Variants in BICC1 observed in about 807,000 individuals in gnomAD.
The protein encoded by BICC1 is protein bicaudal C homolog 1.
In BICC1, 43 loss-of-function variants were observed where a neutral mutation model predicts 111.0. That is an observed-to-expected ratio of 0.39 (90% CI 0.30 to 0.50). The LOEUF (loss-of-function observed/expected upper bound fraction) is 0.50. Ranked by LOEUF, BICC1 falls within the 20% of genes least tolerant of loss-of-function variation. The pLI is 0.88. For synonymous variants in BICC1, 467 were observed against 434.4 expected, an observed-to-expected ratio of 1.07 and a Z score of -0.93; for missense variants, 1,091 against 1,203.2, an observed-to-expected ratio of 0.91 and a Z score of 1.38.
chr10:58,703,760 A>G (rs1431745494), intron 3 of BICC1, among the ~76,000 whole-genome samples: 2 of 152,208 alleles, frequency 1.3e-5, no homozygotes, highest in African/African-American at 4.8e-5. Context: ...AACATAGACT[A>G]AATCTTCTTT....
chr10:58,554,606 C>T (rs1843391039), intron 1 of BICC1, among the ~76,000 whole-genome samples: 1 of 151,776 alleles, frequency 6.6e-6, no homozygotes, highest in Non-Finnish European at 1.5e-5. Context: ...AAAGAAGGTG[C>T]AAACATCAGA....
intron 3 of BICC1, among the ~76,000 whole-genome samples, chr10:58,702,915 G>T (rs1840281227): frequency 6.6e-6 from 1 of 152,044 alleles, no homozygotes; most frequent in Non-Finnish European, 1.5e-5. Context: ...TATCCATCAT[G>T]GTCTGGCATT....
chr10:58,620,420 A>G (rs148894582), intron 1 of BICC1, among the ~76,000 whole-genome samples: 1,603 of 152,336 alleles, frequency 0.011, 16 homozygotes, highest in Middle Eastern at 0.031. Flanking sequence ...AGTAGATTAT[A>G]TAGACTTTAT....
intron 2 of BICC1, among the ~76,000 whole-genome samples, chr10:58,628,170 C>T (rs945910435): frequency 6.6e-5 from 10 of 152,026 alleles, no homozygotes; most frequent in African/African-American, 2.2e-4. Context: ...CTACAATGGA[C>T]CTCCATTACT....
At chr10:58,699,691 ATCTT>A (rs1840171131) in intron 2 of BICC1, among the ~76,000 whole-genome samples, 2 of 151,694 alleles carry the variant, frequency 1.3e-5, no homozygotes, top group African/African-American at 4.8e-5. Flanking sequence ...TTATTTTTCT[ATCTT>A]TCTTTCTTTT....
At chr10:58,640,928 CT>C (rs1321222082) in intron 2 of BICC1, among the ~76,000 whole-genome samples, 7 of 152,172 alleles carry the variant, frequency 4.6e-5, no homozygotes, top group Non-Finnish European at 8.8e-5. Flanking sequence ...AGATAAAAAG[CT>C]TTCTTAAGTG....
At chr10:58,520,463 C>A (rs1008763164) in intron 1 of BICC1, among the ~76,000 whole-genome samples, 6 of 152,096 alleles carry the variant, frequency 3.9e-5, no homozygotes, top group Non-Finnish European at 8.8e-5. Flanking sequence ...CCTTTTCCTA[C>A]CTATCAGGCT....
intron 9 of BICC1, 133 bp downstream of exon 9, chr10:58,793,748 A>G (rs1843254665): frequency 2.1e-6 from 2 of 954,870 alleles, no homozygotes; most frequent in South Asian, 3.4e-5. Flanking sequence ...CCAATCCGGA[A>G]TGCTCCAAAA....
rs774594336 is a variant in BICC1, at chr10:58,803,068, A to G, written c.2016-9A>G. On this transcript the variant is annotated splice_polypyrimidine_tract_variant and intron_variant, in intron 14 of 20. Transcript: ENST00000373886. ...GTGGAGTGTTAAATTCCACACTCTT[A>G]TTTCACAGCAGCACTGACAGGTTGC... is the stretch of plus-strand genomic sequence containing the variant. 14 of 1,581,712 alleles carry G rather than the reference A, an allele frequency of 8.9e-6. No individual in the cohort carries two copies. Among genetic ancestry groups the G allele is most frequent in the Non-Finnish European group, 1.1e-5 (13 of 1,164,942 alleles).
chr10:58,531,997 G>A (rs1842693641), intron 1 of BICC1, among the ~76,000 whole-genome samples: 1 of 151,464 alleles, frequency 6.6e-6, no homozygotes, highest in South Asian at 2.1e-4. Context: ...AGGAAATGAG[G>A]GACAGAATAT....
At chr10:58,531,271 G>A (rs921873743) in intron 1 of BICC1, among the ~76,000 whole-genome samples, 3 of 151,802 alleles carry the variant, frequency 2.0e-5, no homozygotes, top group Admixed American at 6.6e-5. Context: ...CAAAATACCC[G>A]TAGTACTGCA....
At chr10:58,595,553 TA>T (rs1844784265) in intron 1 of BICC1, among the ~76,000 whole-genome samples, 1 of 152,142 alleles carries the variant, frequency 6.6e-6, no homozygotes, top group South Asian at 2.1e-4. Context: ...AACTCAGGAT[TA>T]AAAAACTCAC....
chr10:58,787,197 C>CAT, intron 5 of BICC1, 116 bp downstream of exon 5: 1 of 942,576 alleles, frequency 1.1e-6, no homozygotes, highest in Non-Finnish European at 1.5e-6. Context: ...ACATAGATGA[C>CAT]ATACAGTGTA....
intron 1 of BICC1, among the ~76,000 whole-genome samples, chr10:58,519,263 C>T (rs535590145): frequency 1.3e-5 from 2 of 152,274 alleles, no homozygotes; most frequent in East Asian, 3.9e-4. Context: ...ATTATTTTCT[C>T]TTAGAGATTT....
At chr10:58,528,329 T>C (rs1040988897) in intron 1 of BICC1, among the ~76,000 whole-genome samples, 3 of 151,900 alleles carry the variant, frequency 2.0e-5, no homozygotes, top group Non-Finnish European at 4.4e-5. Flanking sequence ...AGAACATTAG[T>C]GTGGAGTTTT....
chr10:58,626,422 G>A (rs771622258), intron 2 of BICC1, among the ~76,000 whole-genome samples: 9 of 152,290 alleles, frequency 5.9e-5, no homozygotes, highest in South Asian at 2.1e-4. Flanking sequence ...TTTCCACCCC[G>A]TAAAGGTTGT....
chr10:58,545,854 G>A (rs1843125074), intron 1 of BICC1, among the ~76,000 whole-genome samples: 1 of 152,130 alleles, frequency 6.6e-6, no homozygotes, highest in Non-Finnish European at 1.5e-5. Flanking sequence ...CCAAACTCCT[G>A]ACTGGGGCTA....
intron 1 of BICC1, among the ~76,000 whole-genome samples, chr10:58,571,201 A>G (rs971389742): frequency 6.6e-6 from 1 of 152,214 alleles, no homozygotes; most frequent in Non-Finnish European, 1.5e-5. Flanking sequence ...AGGGACTTGC[A>G]TAATTTTATT....
chr10:58,728,353 T>C (rs982204293), intron 3 of BICC1, among the ~76,000 whole-genome samples: 3 of 152,170 alleles, frequency 2.0e-5, no homozygotes, highest in African/African-American at 7.2e-5. Context: ...AAAGAACCCA[T>C]GTTCTTTGCT....
Sources: gnomAD v4.1 joint callset for allele counts (sites outside exome capture counted in the v4.1 genomes callset) on GRCh38, gnomAD v4.1.1 for gene constraint, MANE v1.5 for transcripts, NCBI Gene and HGNC (gene_info 2026-07-23, HGNC 2026-07-21) for gene names.